DPP10: variants seen among roughly 807,000 people sequenced by gnomAD.
DPP10 encodes inactive dipeptidyl peptidase 10.
A neutral mutation model predicts 120.9 loss-of-function variants in DPP10; 33 were observed. The ratio of observed to expected loss-of-function variants is 0.27; its 90% CI spans 0.21 to 0.37. The LOEUF (loss-of-function observed/expected upper bound fraction) is 0.37. DPP10 is among the 10% of genes least tolerant of loss of function. The probability of loss-of-function intolerance (pLI) is 1.00; values close to 1 mark genes in which losing one functional copy is unlikely to be tolerated. For missense variants in DPP10, 816 were observed against 942.8 expected, an observed-to-expected ratio of 0.87 and a Z score of 1.76; for synonymous variants, 337 against 326.1, an observed-to-expected ratio of 1.03 and a Z score of -0.36.
At chr2:114,543,357 C>A (rs1687101444) in intron 1 of DPP10, among the ~76,000 whole-genome samples, 1 of 152,166 alleles carries the variant, frequency 6.6e-6, no homozygotes, top group Non-Finnish European at 1.5e-5. Context: ...TTGACAGCAT[C>A]CTCCACTCCT....
intron 19 of DPP10, among the ~76,000 whole-genome samples, chr2:115,813,354 G>T (rs1036419414): frequency 6.6e-6 from 1 of 152,140 alleles, no homozygotes; most frequent in African/African-American, 2.4e-5. Flanking sequence ...GGTTGCAGAC[G>T]ACCGCCCTCT....
intron 21 of DPP10, among the ~76,000 whole-genome samples, chr2:115,827,410 GTGTGTATATATATATATATA>G (rs1400866636): frequency 1.0e-5 from 1 of 97,252 alleles, no homozygotes; most frequent in African/African-American, 4.3e-5. Flanking sequence ...GTGTATGTGT[GTGTGTATATATATATATATA>G]TATATATATA....
intron 1 of DPP10, among the ~76,000 whole-genome samples, chr2:114,896,820 C>A (rs1693047728): frequency 6.6e-6 from 1 of 152,150 alleles, no homozygotes; most frequent in Non-Finnish European, 1.5e-5. Context: ...TGCCAGTTTT[C>A]AAAGAGAATG....
intron 5 of DPP10, among the ~76,000 whole-genome samples, chr2:115,531,478 T>C (rs1179153450): frequency 6.6e-6 from 1 of 152,056 alleles, no homozygotes; most frequent in Admixed American, 6.6e-5. Context: ...TTTTCTTTAG[T>C]TTTTCACAAT....
chr2:115,549,607 C>T (rs546327950), intron 5 of DPP10, among the ~76,000 whole-genome samples: 1 of 152,106 alleles, frequency 6.6e-6, no homozygotes, highest in Non-Finnish European at 1.5e-5. Context: ...CTTTATTCAC[C>T]GGGATTGCTA....
chr2:115,086,335 A>C (rs1356244033), intron 1 of DPP10, among the ~76,000 whole-genome samples: 1 of 152,186 alleles, frequency 6.6e-6, no homozygotes, highest in Non-Finnish European at 1.5e-5. Context: ...TCTTTAGACA[A>C]ACTCAACCCA....
chr2:115,570,718 C>T (rs935254429), intron 5 of DPP10, among the ~76,000 whole-genome samples: 10 of 152,020 alleles, frequency 6.6e-5, no homozygotes, highest in Non-Finnish European at 1.2e-4. Flanking sequence ...AAAGAACATA[C>T]GTAGGAATGC....
At chr2:114,605,382 A>G (rs1245890407) in intron 1 of DPP10, among the ~76,000 whole-genome samples, 1 of 152,152 alleles carries the variant, frequency 6.6e-6, no homozygotes, top group African/African-American at 2.4e-5. Flanking sequence ...CCTACCTGAC[A>G]TGAAGATGAC....
chr2:114,930,626 A>T (rs1343152870), intron 1 of DPP10, among the ~76,000 whole-genome samples: 8 of 152,116 alleles, frequency 5.3e-5, no homozygotes, highest in Non-Finnish European at 1.2e-4. Context: ...GTCTTAGTTC[A>T]TTTGTGTTTC....
At chr2:115,514,528 A>G (rs1310165635) in intron 4 of DPP10, among the ~76,000 whole-genome samples, 3 of 151,744 alleles carry the variant, frequency 2.0e-5, no homozygotes, top group South Asian at 2.1e-4. Flanking sequence ...AGGGTTTTCC[A>G]GTGACATTTT....
chr2:115,566,670 C>T (rs1223226525), intron 5 of DPP10, among the ~76,000 whole-genome samples: 1 of 151,994 alleles, frequency 6.6e-6, no homozygotes, highest in Admixed American at 6.6e-5. Flanking sequence ...TGCTCCAATT[C>T]AAGAATGAAG....
At chr2:115,094,217 C>G (rs148887178) in intron 1 of DPP10, among the ~76,000 whole-genome samples, 1 of 152,220 alleles carries the variant, frequency 6.6e-6, no homozygotes, top group African/African-American at 2.4e-5. Context: ...GAGAACGTGT[C>G]ATTTAAGTAG....
At chr2:115,832,841 C>T (rs544243040) in intron 21 of DPP10, among the ~76,000 whole-genome samples, 2 of 151,896 alleles carry the variant, frequency 1.3e-5, no homozygotes, top group South Asian at 2.1e-4. Context: ...TAGGGAACAT[C>T]GGCTGGGACT....
chr2:114,825,535 T>C (rs937255337), intron 1 of DPP10, among the ~76,000 whole-genome samples: 4 of 152,216 alleles, frequency 2.6e-5, no homozygotes, highest in Non-Finnish European at 5.9e-5. Context: ...ATAAAGAAGC[T>C]ATCTCTCTTG....
chr2:115,130,483 T>C (rs943034803), intron 1 of DPP10, among the ~76,000 whole-genome samples: 10 of 144,912 alleles, frequency 6.9e-5, no homozygotes, highest in African/African-American at 2.4e-4. Flanking sequence ...CATCCATCCA[T>C]GCATCCATCC....
At chr2:115,236,548 C>A (rs993878735) in intron 1 of DPP10, among the ~76,000 whole-genome samples, 1 of 152,158 alleles carries the variant, frequency 6.6e-6, no homozygotes, top group Non-Finnish European at 1.5e-5. Flanking sequence ...ACATTATTAA[C>A]TGATCACGGC....
At chr2:115,417,035 A>G (rs989166416) in intron 3 of DPP10, among the ~76,000 whole-genome samples, 5 of 152,020 alleles carry the variant, frequency 3.3e-5, no homozygotes, top group African/African-American at 1.2e-4. Flanking sequence ...ATATATAGGG[A>G]GTCAAATTCT....
chr2:115,773,953 G>T (rs552951073), intron 13 of DPP10, among the ~76,000 whole-genome samples: 21 of 152,052 alleles, frequency 1.4e-4, no homozygotes, highest in African/African-American at 5.1e-4. Flanking sequence ...TACCATATTT[G>T]CCCTGGTAGA....
Position 115,459,681 on chromosome 2 carries a change from T to TAA in DPP10, c.272-39827_272-39826dup, listed in dbSNP as rs546231258. 2.1e-3 allele frequency among the ~76,000 whole-genome samples: 323 copies of TAA among 152,084 alleles called. 2 individuals are homozygous for TAA. Among genetic ancestry groups the TAA allele is most frequent in the Non-Finnish European group, 3.6e-3 (247 of 68,000 alleles). On this transcript the variant is annotated intron_variant, in intron 3 of 25. Coordinates refer to ENST00000410059, the MANE Select transcript of DPP10 (RefSeq NM_020868.6). ...GCAATTTGAGGAAATTTGGGCCATG[T>TAA]AAAGATATTGTAAACATCAAAATTG...
Sources: gnomAD v4.1 joint callset for allele counts (sites outside exome capture counted in the v4.1 genomes callset) on GRCh38, gnomAD v4.1.1 for gene constraint, MANE v1.5 for transcripts, NCBI Gene and HGNC (gene_info 2026-07-23, HGNC 2026-07-21) for gene names.